RMDN2: variants seen among roughly 807,000 people sequenced by gnomAD.
RMDN2 encodes the protein regulator of microtubule dynamics protein 2.
RMDN2 carries 61 observed loss-of-function variants against 52.8 expected under a neutral mutation model. The ratio of observed to expected loss-of-function variants is 1.16; its 90% CI spans 0.94 to 1.43. The LOEUF is 1.43. Among genes scored for constraint, RMDN2 ranks in the 40% most tolerant of loss-of-function variants. The probability of loss-of-function intolerance (pLI) is 0.00; values close to 1 mark genes in which losing one functional copy is unlikely to be tolerated. For synonymous variants in RMDN2, 180 were observed against 153.1 expected, an observed-to-expected ratio of 1.18 and a Z score of -1.30; for missense variants, 592 against 475.3, an observed-to-expected ratio of 1.25 and a Z score of -2.28.
At chr2:37,976,617 T>C (rs997038911) in intron 4 of RMDN2, among the ~76,000 whole-genome samples, 1 of 152,236 alleles carries the variant, frequency 6.6e-6, no homozygotes, top group African/African-American at 2.4e-5. Context: ...CTTCCCCCTC[T>C]TGTTTGCATA....
intron 2 of RMDN2, among the ~76,000 whole-genome samples, chr2:37,934,250 C>CA (rs1667103767): frequency 1.3e-5 from 2 of 152,198 alleles, no homozygotes. Flanking sequence ...GTGGAGGACT[C>CA]ATGGAATTTG....
chr2:37,933,379 G>T (rs1304656821), intron 2 of RMDN2, among the ~76,000 whole-genome samples: 1 of 152,230 alleles, frequency 6.6e-6, no homozygotes, highest in Non-Finnish European at 1.5e-5. Flanking sequence ...TGGCGGCTGG[G>T]CAGAGGCTGC....
In RMDN2 at chr2:37,929,392, T is replaced by G; in HGVS notation, c.115T>G (p.Leu39Val). ...CCGTAAACCAGGGATAGCAATGAAGTTACCTGAATTTCTTTCTCTGGGTAA... is the reference window on the plus strand; with the variant it reads ...CCGTAAACCAGGGATAGCAATGAAGGTACCTGAATTTCTTTCTCTGGGTAA... ...KVRKPGIAMKLPEFLSLGNTF... is the reference protein window; with the variant it reads ...KVRKPGIAMKVPEFLSLGNTF... The change falls in exon 2 of 11, where the codon TTA (leucine) becomes GTA (valine). Residue 39 changes from leucine (L) to valine (V), a missense_variant. By Grantham distance (32) the Leu-to-Val change is conservative. Coordinates refer to ENST00000354545, the MANE Select transcript of RMDN2 (RefSeq NM_001170791.3). The G allele has an allele frequency of 6.4e-7, 1 of 1,551,140 alleles. No homozygotes were observed. Among genetic ancestry groups the G allele is most frequent in the Non-Finnish European group, 8.7e-7 (1 of 1,146,374 alleles).
chr2:38,019,662 T>C (rs1679190369), downstream of RMDN2, among the ~76,000 whole-genome samples: 1 of 152,190 alleles, frequency 6.6e-6, no homozygotes. Context: ...GTATTCCTCA[T>C]AAAGCCATTT....
At chr2:38,016,376 A>G (rs1678782258) in intron 10 of RMDN2, among the ~76,000 whole-genome samples, 1 of 152,210 alleles carries the variant, frequency 6.6e-6, no homozygotes, top group African/African-American at 2.4e-5. Context: ...AACTCCATAA[A>G]TGTAATGAAT....
chr2:37,983,988 T>C (rs75321548), intron 5 of RMDN2, among the ~76,000 whole-genome samples: 1,696 of 152,304 alleles, frequency 0.011, 16 homozygotes, highest in Non-Finnish European at 0.017. Flanking sequence ...AAATGTTTAC[T>C]ATCTGGCCCT....
Position 37,953,971 on chromosome 2 carries a change from T to C in RMDN2, c.453-20069T>C, listed in dbSNP as rs75883374. Among the ~76,000 whole-genome samples, 163 of 152,224 alleles carry C rather than the reference T, an allele frequency of 1.1e-3. 3 individuals carry two copies. In the East Asian group the frequency reaches 0.027, roughly 25 times the overall value. On this transcript the variant is annotated intron_variant, in intron 2 of 10. Coordinates refer to ENST00000354545, the MANE Select transcript of RMDN2 (RefSeq NM_001170791.3). ...TAGTGACATTGAACATCTTTTCGTG[T>C]GACTGCTGCCCATTTGTATATCTTC... is the stretch of plus-strand genomic sequence containing the variant.
downstream of RMDN2, among the ~76,000 whole-genome samples, chr2:38,022,442 A>C (rs1208675009): frequency 6.6e-6 from 1 of 152,196 alleles, no homozygotes; most frequent in Non-Finnish European, 1.5e-5. Context: ...CTGCTAGATC[A>C]CGAAGTCCAA....
chr2:37,992,269 A>G (rs1321427306), intron 7 of RMDN2, among the ~76,000 whole-genome samples: 4 of 152,222 alleles, frequency 2.6e-5, no homozygotes, highest in African/African-American at 9.6e-5. Context: ...TATGCTCTTT[A>G]TATTGTGTTA....
At chr2:37,941,131 T>C (rs1358047311) in intron 2 of RMDN2, among the ~76,000 whole-genome samples, 1 of 152,230 alleles carries the variant, frequency 6.6e-6, no homozygotes, top group Non-Finnish European at 1.5e-5. Context: ...TTGTTAGTTT[T>C]CCTTCTAACA....
chr2:37,971,340 C>G (rs1369196064), intron 2 of RMDN2, among the ~76,000 whole-genome samples: 1 of 151,958 alleles, frequency 6.6e-6, no homozygotes, highest in African/African-American at 2.4e-5. Flanking sequence ...AGTATTGTTT[C>G]CTCCGCTAAA....
At chr2:37,931,777 C>T (rs1666764803) in intron 2 of RMDN2, among the ~76,000 whole-genome samples, 1 of 152,198 alleles carries the variant, frequency 6.6e-6, no homozygotes, top group East Asian at 1.9e-4. Flanking sequence ...ATGACAGTAA[C>T]ATACAGCTAG....
At chr2:37,933,231 GCTC>G (rs1666988804) in intron 2 of RMDN2, among the ~76,000 whole-genome samples, 1 of 149,784 alleles carries the variant, frequency 6.7e-6, no homozygotes, top group Admixed American at 6.6e-5. Context: ...GGGAAGAGGC[GCTC>G]CTCACTTCCT....
At chr2:37,966,276 G>A (rs1317035474) in intron 2 of RMDN2, among the ~76,000 whole-genome samples, 1 of 152,112 alleles carries the variant, frequency 6.6e-6, no homozygotes, top group Non-Finnish European at 1.5e-5. Context: ...AATTAGCCAG[G>A]TGTGGTGGCA....
chr2:37,957,987 C>G (rs1159015603), intron 2 of RMDN2, among the ~76,000 whole-genome samples: 1 of 152,118 alleles, frequency 6.6e-6, no homozygotes, highest in Non-Finnish European at 1.5e-5. Flanking sequence ...GGCCTCTGTT[C>G]TATTCCATTG....
chr2:37,958,161 G>GT (rs538299366), intron 2 of RMDN2, among the ~76,000 whole-genome samples: 2 of 152,158 alleles, frequency 1.3e-5, no homozygotes, highest in South Asian at 2.1e-4. Context: ...GTTTAAAGTA[G>GT]TTTTTTCTAA....
intron 10 of RMDN2, chr2:38,012,490 G>A (rs1309482774): frequency 5.0e-6 from 2 of 399,976 alleles, no homozygotes; most frequent in Non-Finnish European, 1.0e-5. Flanking sequence ...AGTGTCAATA[G>A]TAATAATAAA....
intron 2 of RMDN2, among the ~76,000 whole-genome samples, chr2:37,946,649 C>T (rs1317999147): frequency 6.6e-6 from 1 of 152,180 alleles, no homozygotes; most frequent in Non-Finnish European, 1.5e-5. Context: ...ATAAGGATTA[C>T]TCAGGAGGTG....
chr2:38,000,876 C>T (rs907691089), intron 8 of RMDN2, among the ~76,000 whole-genome samples: 1 of 152,190 alleles, frequency 6.6e-6, no homozygotes, highest in Non-Finnish European at 1.5e-5. Flanking sequence ...ATTGTTGTGT[C>T]ATATGGTATG....
Sources: gnomAD v4.1 joint callset for allele counts (sites outside exome capture counted in the v4.1 genomes callset) on GRCh38, gnomAD v4.1.1 for gene constraint, MANE v1.5 for transcripts, NCBI Gene and HGNC (gene_info 2026-07-23, HGNC 2026-07-21) for gene names.